Variants in KLHL10 observed in about 807,000 individuals in gnomAD.
KLHL10 encodes kelch like family member 10, also known as kelch-like protein 10.
KLHL10 carries 11 observed loss-of-function variants against 46.6 expected under a neutral mutation model. The ratio of observed to expected loss-of-function variants is 0.24; its 90% CI spans 0.15 to 0.39. The LOEUF (loss-of-function observed/expected upper bound fraction) is 0.39, where lower values mean the gene tolerates loss of function less well. KLHL10 is among the 10% of genes least tolerant of loss of function. The probability of loss-of-function intolerance (pLI) is 1.00; values close to 1 mark genes in which losing one functional copy is unlikely to be tolerated. For missense variants in KLHL10, 475 were observed against 789.8 expected (o/e 0.60, Z 4.78); for synonymous variants, 254 against 279.1 (o/e 0.91, Z 0.90).
chr17:41,840,114 A>G (rs1289084697), intron 1 of KLHL10, among the ~76,000 whole-genome samples: 3 of 152,208 alleles, frequency 2.0e-5, no homozygotes, highest in African/African-American at 7.2e-5. Flanking sequence ...TACAGGCGTG[A>G]GCCAACGCGC....
At chr17:41,843,202 G>A (rs562986508) in intron 2 of KLHL10, among the ~76,000 whole-genome samples, 109 of 152,044 alleles carry the variant, frequency 7.2e-4, no homozygotes, top group Middle Eastern at 3.4e-3. Flanking sequence ...CCATACCCAA[G>A]GTAGAAGTTG....
chr17:41,843,209 G>C (rs1484918033), intron 2 of KLHL10, among the ~76,000 whole-genome samples: 1 of 151,880 alleles, frequency 6.6e-6, no homozygotes, highest in African/African-American at 2.4e-5. Flanking sequence ...CAAGGTAGAA[G>C]TTGAATTAGA....
chr17:41,839,486 G>A (rs2048205208), intron 1 of KLHL10, among the ~76,000 whole-genome samples: 1 of 152,090 alleles, frequency 6.6e-6, no homozygotes, highest in Admixed American at 6.6e-5. Context: ...AAATTAACAA[G>A]GATTAAGGGG....
upstream of KLHL10, chr17:41,836,048 G>A: frequency 2.8e-6 from 4 of 1,413,668 alleles, no homozygotes; most frequent in Non-Finnish European, 3.7e-6. Context: ...TGTGAGGCGG[G>A]GCCGGGGTGC....
intron 1 of KLHL10, among the ~76,000 whole-genome samples, chr17:41,840,559 G>C (rs1401562364): frequency 6.7e-6 from 1 of 149,304 alleles, no homozygotes; most frequent in African/African-American, 2.5e-5. Flanking sequence ...GCAGAGAATT[G>C]CTTGAACCTG....
chr17:41,847,169 C>T lies in KLHL10; in HGVS notation c.1303-92C>T, dbSNP rs4796721. 810,236 of 1,074,990 alleles carry T rather than the reference C, an allele frequency of 0.75. 309,247 individuals are homozygous for T. The highest frequency in any genetic ancestry group is 0.86 in the Admixed American group (50,945 of 59,242). The allele number at this position is 1,074,990 out of a possible 1,614,324, so 66.6% of individuals were successfully genotyped here. A position where few individuals can be genotyped will look rare whatever the true frequency, so the allele number is the denominator to read the frequency against. On this transcript the variant is annotated intron_variant, in intron 3 of 4. Coordinates refer to ENST00000293303, the MANE Select transcript of KLHL10 (RefSeq NM_152467.5). ...AAAAAAGAAATTCAGACTGTACAGACTGGAATTAAGTGCCCACTACCACCA... is the reference window on the plus strand; with the variant it reads ...AAAAAAGAAATTCAGACTGTACAGATTGGAATTAAGTGCCCACTACCACCA...
At chr17:41,835,798 T>C (rs1160929021), upstream of KLHL10, 7 of 1,467,154 alleles carry the variant, frequency 4.8e-6, no homozygotes, top group South Asian at 1.2e-5. Flanking sequence ...GAAGGCCCAA[T>C]GGGCAGGAAG....
In KLHL10 at chr17:41,845,491, A is replaced by G; in HGVS notation, c.1050A>G (p.Val350=). Residue 350 remains valine, a synonymous_variant, in exon 3 of 5, where the codon GTA becomes GTG. Transcript: ENST00000293303. ...ATATCATTGGGGGGTTTGATAGTGT[A>G]GACTATTTCAATAGTGTTAAGCGTT... The part of the protein sequence containing the change: ...YVYIIGGFDS[V]DYFNSVKRFD... 6.2e-7 allele frequency: 1 copy of G among 1,614,250 alleles called. No homozygotes were observed. Among genetic ancestry groups the G allele is most frequent in the South Asian group, 1.1e-5 (1 of 91,080 alleles).
chr17:41,846,626 C>T (rs7217532), intron 3 of KLHL10, among the ~76,000 whole-genome samples: 2 of 150,926 alleles, frequency 1.3e-5, no homozygotes, highest in African/African-American at 4.9e-5. Context: ...GTGGGCGGAT[C>T]ACTTGAGGTC....
chr17:41,842,936 CA>C (rs112291759), intron 2 of KLHL10, among the ~76,000 whole-genome samples: 68 of 128,346 alleles, frequency 5.3e-4, no homozygotes, highest in Non-Finnish European at 5.4e-4. Flanking sequence ...GACTCCATCT[CA>C]AAAAAAAAAA....
upstream of KLHL10, chr17:41,836,334 G>A (rs2048159652): frequency 8.2e-7 from 1 of 1,224,760 alleles, no homozygotes; most frequent in Non-Finnish European, 1.0e-6. Flanking sequence ...GAATCGAGCG[G>A]TCCCGGAGAT....
intron 2 of KLHL10, among the ~76,000 whole-genome samples, chr17:41,844,193 G>T: frequency 6.6e-6 from 1 of 151,772 alleles, no homozygotes; most frequent in African/African-American, 2.4e-5. Flanking sequence ...CAGAGTAGCT[G>T]GGACTACAGG....
Position 41,843,409 on chromosome 17 carries a change from G to T in KLHL10, c.684+1097G>T, listed in dbSNP as rs549660990. Among the ~76,000 whole-genome samples, 38 of 151,806 alleles carry T rather than the reference G, an allele frequency of 2.5e-4. No individual in the cohort carries two copies. The South Asian group carries it at 4.2e-3, about 17-fold the overall frequency. On this transcript the variant is annotated intron_variant, in intron 2 of 4. Transcript: ENST00000293303. ...AATCCCAGCTACTCGGGAATCTGAGGCAGGAGAATAACTTGAACTCAGGAG... is the reference window on the plus strand; with the variant it reads ...AATCCCAGCTACTCGGGAATCTGAGTCAGGAGAATAACTTGAACTCAGGAG...
At chr17:41,835,988 C>T (rs781936281), upstream of KLHL10, 14 of 1,536,230 alleles carry the variant, frequency 9.1e-6, no homozygotes, top group African/African-American at 8.3e-5. Flanking sequence ...ACCACTGACC[C>T]CTGCGCCACG....
chr17:41,845,907 T>C, intron 3 of KLHL10, 164 bp downstream of exon 3: 1 of 951,404 alleles, frequency 1.1e-6, no homozygotes, highest in Non-Finnish European at 1.6e-6. Context: ...GTCTTTTATG[T>C]TGTTTATTGA....
At chr17:41,838,198 G>A (rs2048188652) in intron 1 of KLHL10, 72 bp downstream of exon 1, 1 of 1,283,828 alleles carries the variant, frequency 7.8e-7, no homozygotes, top group South Asian at 1.2e-5. Flanking sequence ...TCCATTTTCT[G>A]TTTCCCACCC....
chr17:41,842,845 G>A (rs1473444757), intron 2 of KLHL10, among the ~76,000 whole-genome samples: 1 of 151,720 alleles, frequency 6.6e-6, no homozygotes, highest in Non-Finnish European at 1.5e-5. Context: ...GCTGAGGCAG[G>A]AGAATCGCTT....
intron 1 of KLHL10, among the ~76,000 whole-genome samples, chr17:41,841,193 C>T (rs1952191664): frequency 6.6e-6 from 1 of 151,950 alleles, no homozygotes; most frequent in Non-Finnish European, 1.5e-5. Flanking sequence ...GAGAAGCATT[C>T]CTGTTCTCAT....
chr17:41,837,262 T>A (rs2048173686), upstream of KLHL10, among the ~76,000 whole-genome samples: 1 of 152,244 alleles, frequency 6.6e-6, no homozygotes, highest in Non-Finnish European at 1.5e-5. Context: ...TCTCCTGGGT[T>A]GAAGCGATTC....
Sources: allele counts gnomAD v4.1 joint callset (sites outside exome capture counted in the v4.1 genomes callset), GRCh38; gene constraint gnomAD v4.1.1; transcripts MANE v1.5; gene names NCBI Gene and HGNC (gene_info 2026-07-23, HGNC 2026-07-21).